FHIT: variants seen among roughly 807,000 people sequenced by gnomAD.
FHIT encodes fragile histidine triad diadenosine triphosphatase, also known as bis(5'-adenosyl)-triphosphatase.
A neutral mutation model predicts 17.9 loss-of-function variants in FHIT; 19 were observed. The observed-to-expected ratio is 1.06, with a 90% CI of 0.74 to 1.56. The LOEUF (loss-of-function observed/expected upper bound fraction) is 1.56. Among genes scored for constraint, FHIT ranks in the 40% most tolerant of loss-of-function variants. The pLI, the probability that FHIT is intolerant of heterozygous loss-of-function variation, is 0.00. For synonymous variants in FHIT, 81 were observed against 69.7 expected, an observed-to-expected ratio of 1.16 and a Z score of -0.81; for missense variants, 248 against 189.2, an observed-to-expected ratio of 1.31 and a Z score of -1.82.
At chr3:59,930,476 C>A (rs746595581) in intron 7 of FHIT, among the ~76,000 whole-genome samples, 29 of 152,064 alleles carry the variant, frequency 1.9e-4, no homozygotes, top group Admixed American at 6.5e-4. Flanking sequence ...TCTTAAACTG[C>A]AAATCCCAAA....
At chr3:59,968,059 G>A (rs1447374351) in intron 7 of FHIT, among the ~76,000 whole-genome samples, 4 of 152,092 alleles carry the variant, frequency 2.6e-5, no homozygotes, top group African/African-American at 2.4e-5. Flanking sequence ...AAAAAGACCA[G>A]GGGTAGGTAG....
intron 8 of FHIT, among the ~76,000 whole-genome samples, chr3:59,879,868 C>T (rs908052022): frequency 2.0e-5 from 3 of 152,070 alleles, no homozygotes; most frequent in African/African-American, 4.8e-5. Flanking sequence ...ACTCTTTGGG[C>T]CACATTATTT....
chr3:61,027,012 A>T (rs1401879335), intron 3 of FHIT, among the ~76,000 whole-genome samples: 1 of 152,100 alleles, frequency 6.6e-6, no homozygotes, highest in Admixed American at 6.5e-5. Context: ...AGAATTATAC[A>T]AATTAAAATA....
chr3:59,789,627 T>A (rs1019828725), intron 8 of FHIT, among the ~76,000 whole-genome samples: 1 of 152,230 alleles, frequency 6.6e-6, no homozygotes, highest in Non-Finnish European at 1.5e-5. Context: ...GGAAAACACA[T>A]GGCTAGCCTG....
intron 5 of FHIT, among the ~76,000 whole-genome samples, chr3:60,126,084 G>C (rs1217005567): frequency 2.6e-5 from 4 of 152,088 alleles, no homozygotes; most frequent in Non-Finnish European, 5.9e-5. Context: ...TACCAAATGA[G>C]AGGAAAAACA....
At chr3:60,048,879 T>C (rs940979367) in intron 5 of FHIT, among the ~76,000 whole-genome samples, 2 of 152,198 alleles carry the variant, frequency 1.3e-5, no homozygotes, top group African/African-American at 2.4e-5. Context: ...GAAAACATGA[T>C]TGTGAAACCA....
Position 60,970,455 on chromosome 3 carries a change from T to G in FHIT, c.-111+71592A>C, listed in dbSNP as rs1709959460. On this transcript the variant is annotated intron_variant, in intron 3 of 9. Transcript: ENST00000492590. ...AAATAGAAGTATTTAGTGTTTTGTA[T>G]TAATATAATTAAGGTTATATTTATA... 2.0e-5 allele frequency among the ~76,000 whole-genome samples: 3 copies of G among 152,270 alleles called. No homozygotes were observed. In the South Asian group the frequency reaches 6.2e-4, roughly 32 times the overall value.
intron 5 of FHIT, among the ~76,000 whole-genome samples, chr3:60,261,299 G>A (rs902236014): frequency 5.9e-5 from 9 of 151,984 alleles, no homozygotes; most frequent in South Asian, 4.2e-4. Context: ...ACATATCCAC[G>A]ACAGGTGAGA....
intron 5 of FHIT, among the ~76,000 whole-genome samples, chr3:60,322,781 G>A (rs539230158): frequency 6.6e-6 from 1 of 152,270 alleles, no homozygotes; most frequent in African/African-American, 2.4e-5. Flanking sequence ...GGTAGAGGAG[G>A]AAGTACTATT....
intron 4 of FHIT, among the ~76,000 whole-genome samples, chr3:60,745,187 G>T (rs2042331893): frequency 6.6e-6 from 1 of 152,340 alleles, no homozygotes; most frequent in East Asian, 1.9e-4. Context: ...GAAGTATTTT[G>T]GTACTAGGAG....
chr3:60,424,706 C>G (rs1702600156), intron 5 of FHIT, among the ~76,000 whole-genome samples: 1 of 152,084 alleles, frequency 6.6e-6, no homozygotes, highest in Non-Finnish European at 1.5e-5. Flanking sequence ...GGATAAATAT[C>G]TTGATGCTTA....
chr3:60,737,960 C>T (rs566186430), intron 4 of FHIT, among the ~76,000 whole-genome samples: 34 of 152,186 alleles, frequency 2.2e-4, no homozygotes, highest in African/African-American at 6.7e-4. Context: ...TTATGAACCT[C>T]GGCTAAAGGA....
chr3:61,224,469 T>C (rs2039916951), intron 1 of FHIT, among the ~76,000 whole-genome samples: 1 of 152,206 alleles, frequency 6.6e-6, no homozygotes, highest in South Asian at 2.1e-4. Context: ...CAGGCTGGAA[T>C]GCAACGATAT....
Position 60,604,936 on chromosome 3 carries a change from C to T in FHIT, c.-17-67957G>A, listed in dbSNP as rs138987748. Among the ~76,000 whole-genome samples the T allele has an allele frequency of 3.2e-3, 489 of 152,254 alleles. 1 individual carries two copies. Among genetic ancestry groups the T allele is most frequent in the Non-Finnish European group, 4.5e-3 (309 of 68,014 alleles). On this transcript the variant is annotated intron_variant, in intron 4 of 9. Transcript: ENST00000492590. Reference sequence around the variant, plus strand: ...CAGCATTGAAGGGATCAGTAACCTGCCCAAGGTCCATTTTAACACAAGAGC... The same window carrying T: ...CAGCATTGAAGGGATCAGTAACCTGTCCAAGGTCCATTTTAACACAAGAGC...
intron 2 of FHIT, among the ~76,000 whole-genome samples, chr3:61,142,366 C>T (rs1057028490): frequency 1.3e-5 from 2 of 151,504 alleles, no homozygotes; most frequent in Non-Finnish European, 3.0e-5. Context: ...GATTATGCAT[C>T]ATTTTGTACT....
intron 5 of FHIT, among the ~76,000 whole-genome samples, chr3:60,441,770 TTATATGTATAAAAA>T (rs2030863208): frequency 2.3e-5 from 1 of 42,586 alleles, no homozygotes; most frequent in African/African-American, 5.6e-5. Flanking sequence ...ATATATATAT[TTATATGTATAAAAA>T]TATATATATA....
intron 5 of FHIT, among the ~76,000 whole-genome samples, chr3:60,171,063 A>C (rs962613605): frequency 6.6e-6 from 1 of 152,164 alleles, no homozygotes; most frequent in East Asian, 1.9e-4. Context: ...AAAATTAAAC[A>C]TTTTTCAAAG....
At chr3:60,109,206 C>T (rs1423388138) in intron 5 of FHIT, among the ~76,000 whole-genome samples, 2 of 152,018 alleles carry the variant, frequency 1.3e-5, no homozygotes, top group African/African-American at 2.4e-5. Context: ...TTTTCTCCCC[C>T]ATCTCATATA....
rs548837715 is a variant in FHIT, at chr3:60,312,671, A to G, written c.103+224189T>C. ...AGATCTAAGCTGCTCCTGCCAGCCT[A>G]TCAACTACCTTTGAGAAGTATGATT... On this transcript the variant is annotated intron_variant, in intron 5 of 9. Transcript: ENST00000492590. 4.2e-4 allele frequency among the ~76,000 whole-genome samples: 64 copies of G among 152,288 alleles called. 1 individual carries two copies. Among genetic ancestry groups the G allele is most frequent in the African/African-American group, 1.4e-3 (60 of 41,556 alleles).
Sources: gnomAD v4.1 joint callset for allele counts (sites outside exome capture counted in the v4.1 genomes callset) on GRCh38, gnomAD v4.1.1 for gene constraint, MANE v1.5 for transcripts, NCBI Gene and HGNC (gene_info 2026-07-23, HGNC 2026-07-21) for gene names.